CRACDL: variants seen among roughly 807,000 people sequenced by gnomAD.
CRACDL encodes CRACD like, also known as CRACD-like protein.
Under a neutral mutation model 70.6 loss-of-function variants are expected in CRACDL, and 26 were observed. The observed-to-expected ratio is 0.37, with a 90% CI of 0.27 to 0.51. The LOEUF (loss-of-function observed/expected upper bound fraction) is 0.51. Among genes scored for constraint, CRACDL ranks in the 20% least tolerant of loss-of-function variants. The pLI, the probability that CRACDL is intolerant of heterozygous loss-of-function variation, is 0.94. For synonymous variants in CRACDL, 618 were observed against 615.2 expected (o/e 1.00, Z -0.07); for missense variants, 1,283 against 1,376.9 (o/e 0.93, Z 1.08).
intron 1 of CRACDL, among the ~76,000 whole-genome samples, chr2:98,903,710 CTAGA>C (rs1486972341): frequency 6.6e-6 from 1 of 152,222 alleles, no homozygotes; most frequent in Non-Finnish European, 1.5e-5. Context: ...TGAAAATGCA[CTAGA>C]TATTCTCACA....
chr2:98,864,838 C>A (rs147297651), intron 1 of CRACDL, among the ~76,000 whole-genome samples: 114 of 152,174 alleles, frequency 7.5e-4, no homozygotes, highest in Non-Finnish European at 1.2e-3. Context: ...TGAACCACTG[C>A]GCCTGGCCTG....
intron 1 of CRACDL, among the ~76,000 whole-genome samples, chr2:98,915,642 T>G (rs189877170): frequency 6.6e-6 from 1 of 152,058 alleles, no homozygotes; most frequent in East Asian, 1.9e-4. Context: ...AAGAGGGGAC[T>G]GCTCTTCAGA....
rs1196270756 is a variant in CRACDL at position 98,832,779 on chromosome 2, A to G, written c.375+83T>C. 1.1e-5 allele frequency: 17 copies of G among 1,559,528 alleles called. No individual in the cohort carries two copies. The African/African-American group carries it at 1.8e-4, about 16-fold the overall frequency. Reference sequence around the variant, plus strand: ...GTGATTCTACTTTACAGCATATCAAATAAACCAAGCAGAAATCATTTAAAA... The same window carrying G: ...GTGATTCTACTTTACAGCATATCAAGTAAACCAAGCAGAAATCATTTAAAA... On this transcript the variant is annotated intron_variant, in intron 4 of 9. Transcript: ENST00000397899.
intron 1 of CRACDL, among the ~76,000 whole-genome samples, chr2:98,853,677 A>T (rs1264747156): frequency 2.0e-5 from 3 of 152,292 alleles, no homozygotes; most frequent in African/African-American, 7.2e-5. Flanking sequence ...TATAACAACT[A>T]AAAAAACTAT....
intron 1 of CRACDL, among the ~76,000 whole-genome samples, chr2:98,891,446 TG>T (rs1707979586): frequency 6.7e-6 from 1 of 149,596 alleles, no homozygotes; most frequent in South Asian, 2.1e-4. Context: ...ATTTTGGATT[TG>T]GGATGGTCAA....
At chr2:98,867,000 T>C (rs543559791) in intron 1 of CRACDL, among the ~76,000 whole-genome samples, 8 of 152,126 alleles carry the variant, frequency 5.3e-5, no homozygotes, top group African/African-American at 1.9e-4. Flanking sequence ...TAAAGGAATA[T>C]AGAAGCAGAG....
chr2:98,822,518 C>T lies in CRACDL; in HGVS notation c.1755G>A (p.Pro585=). The T allele has an allele frequency of 6.9e-7, 1 of 1,457,986 alleles. No individual in the cohort carries two copies. Among genetic ancestry groups the T allele is most frequent in the South Asian group, 1.3e-5 (1 of 75,998 alleles). 90.3% of individuals were successfully genotyped at this position (1,457,986 alleles called of 1,614,324 possible). Residue 585 remains proline, a synonymous_variant, in exon 7 of 10, where the codon CCG becomes CCA. Transcript: ENST00000397899. This position sits in a 1 kb window ranked among gnomAD's most constrained non-coding sequence, Gnocchi z 4.9. ...SVSSCRARPR[P]GVSRPLERAS... is the part of the protein sequence containing the mutation. ...CCCGTTCCAGCGGGCGGGAGACGCC[C>T]GGACGAGGCCGCGCTCGGCACGAGG...
intron 1 of CRACDL, among the ~76,000 whole-genome samples, chr2:98,909,607 C>T (rs922354359): frequency 2.6e-5 from 4 of 152,208 alleles, no homozygotes; most frequent in Non-Finnish European, 5.9e-5. Flanking sequence ...GCATTTCCTC[C>T]CTCCAGCACA....
At chr2:98,832,658 GC>G in intron 4 of CRACDL, 146 bp from the exon 5 acceptor site, 1 of 1,003,898 alleles carries the variant, frequency 1.0e-6, no homozygotes, top group Non-Finnish European at 1.5e-6. Context: ...TCTGCCACCA[GC>G]TCTTCCACTG....
In CRACDL at chr2:98,818,126, T is replaced by C. The variant is rs139015361; in HGVS notation, c.2416+3731A>G. On this transcript the variant is annotated intron_variant, in intron 7 of 9. Transcript: ENST00000397899. ...TGAACCAACAGGAGGATGCATAATG[T>C]TCTGCACAAATGAACAAGGCTGATA... Among the ~76,000 whole-genome samples, 387 of 152,292 alleles carry C rather than the reference T, an allele frequency of 2.5e-3. 2 individuals are homozygous for C. The highest frequency in any genetic ancestry group is 8.9e-3 in the African/African-American group (368 of 41,560).
chr2:98,883,559 C>T (rs1023674481), intron 1 of CRACDL, among the ~76,000 whole-genome samples: 61 of 152,184 alleles, frequency 4.0e-4, no homozygotes, highest in African/African-American at 1.3e-3. Context: ...ATCAGGTGCT[C>T]GGCAAGGGGC....
intron 7 of CRACDL, among the ~76,000 whole-genome samples, chr2:98,807,827 G>T (rs566954767): frequency 3.9e-5 from 6 of 152,202 alleles, no homozygotes; most frequent in African/African-American, 1.4e-4. Context: ...CTGATAGAGG[G>T]GGGCAGGCAT....
intron 1 of CRACDL, among the ~76,000 whole-genome samples, chr2:98,891,485 C>T (rs11123755): frequency 2.0e-5 from 3 of 150,112 alleles, no homozygotes; most frequent in African/African-American, 4.9e-5. Flanking sequence ...GTTTCTTTTT[C>T]GGGTAATGAA....
chr2:98,894,678 C>T (rs1208749086), intron 1 of CRACDL, among the ~76,000 whole-genome samples: 1 of 152,174 alleles, frequency 6.6e-6, no homozygotes, highest in African/African-American at 2.4e-5. Context: ...CTGTCCTCTC[C>T]CTGGATGGCA....
At chr2:98,912,002 G>A (rs1708557580) in intron 1 of CRACDL, among the ~76,000 whole-genome samples, 1 of 152,044 alleles carries the variant, frequency 6.6e-6, no homozygotes, top group South Asian at 2.1e-4. Flanking sequence ...GACTCATTTG[G>A]TGGTGACACA....
chr2:98,841,221 T>A (rs1162531037), intron 2 of CRACDL, among the ~76,000 whole-genome samples: 5 of 152,140 alleles, frequency 3.3e-5, no homozygotes, highest in Non-Finnish European at 5.9e-5. Flanking sequence ...TGGTATCTAA[T>A]CTAATAATCT....
At position 98,845,996 on chromosome 2, in the gene CRACDL, T is replaced by C. The variant is rs578206459; in HGVS notation, c.70+735A>G. Among the ~76,000 whole-genome samples the C allele has an allele frequency of 2.0e-4, 30 of 152,310 alleles. No homozygotes were observed. In the East Asian group the frequency reaches 5.2e-3, roughly 26 times the overall value. On this transcript the variant is annotated intron_variant, in intron 2 of 9. Transcript: ENST00000397899. The stretch of plus-strand genomic sequence containing the variant: ...TTATTGGGAGCTGTTTCTCCTGAAC[T>C]ATATCAAAGAAAATCACTACTGGCA...
At chr2:98,905,735 A>G (rs1430993372) in intron 1 of CRACDL, among the ~76,000 whole-genome samples, 2 of 150,822 alleles carry the variant, frequency 1.3e-5, no homozygotes, top group Non-Finnish European at 2.9e-5. Context: ...CTCCTGCCTC[A>G]TCCTCCCGAG....
At chr2:98,844,750 G>T (rs570664116) in intron 2 of CRACDL, among the ~76,000 whole-genome samples, 1 of 152,318 alleles carries the variant, frequency 6.6e-6, no homozygotes, top group African/African-American at 2.4e-5. Flanking sequence ...CTATATGCTT[G>T]TCATGATACT....
Sources: allele counts gnomAD v4.1 joint callset (sites outside exome capture counted in the v4.1 genomes callset), GRCh38; gene constraint gnomAD v4.1.1; non-coding constraint Gnocchi (gnomAD v3.1); transcripts MANE v1.5; gene names NCBI Gene and HGNC (gene_info 2026-07-23, HGNC 2026-07-21).